SUPT20HL2: variants seen among roughly 807,000 people sequenced by gnomAD.
SUPT20HL2 encodes the protein transcription factor SPT20 homolog-like 2.
For missense variants in SUPT20HL2, 288 were observed against 127.4 expected (o/e 2.26, Z -6.07); for synonymous variants, 125 against 51.6 (o/e 2.42, Z -6.10).
rs1939152813 is a variant in SUPT20HL2, at chrX:24,313,341, A to G, written c.-26T>C. On this transcript the variant is annotated 5_prime_UTR_variant, in exon 1 of 1. Transcript: ENST00000486479. ...TGTAACAGAAAACAGGGCCCCTAAG[A>G]GGAGAGAAAACGCATGTGCGTTGGT... The G allele has an allele frequency of 3.0e-6, 1 of 333,989 alleles. No homozygotes were observed. Among genetic ancestry groups the G allele is most frequent in the Non-Finnish European group, 5.8e-6 (1 of 171,857 alleles). 27.5% of individuals were successfully genotyped at this position (333,989 alleles called of 1,213,427 possible).
rs1359554710 is a variant in SUPT20HL2, at chrX:24,312,738, T to G, written c.578A>C (p.Lys193Thr). The stretch of plus-strand genomic sequence containing the variant: ...GATCAGTTGACTCTCAAGAGGAAAT[T>G]TGTCTTCCTGGCTCCATTTCTCGCC... The part of the protein sequence containing the change: ...RDGEKWSQED[K>T]FPLESQLILA... Residue 193 changes from lysine (K) to threonine (T), a missense_variant, in exon 1 of 1, where the codon AAA becomes ACA. Transcript: ENST00000486479. 4 of 386,917 alleles carry G rather than the reference T, an allele frequency of 1.0e-5. No individual in the cohort carries two copies. The highest frequency in any genetic ancestry group is 9.3e-5 in the South Asian group (4 of 42,802). The allele number at this position is 386,917 out of a possible 1,213,427, so 31.9% of individuals were successfully genotyped here.
In SUPT20HL2 at chrX:24,312,258, T is replaced by C. The variant is rs397832843; in HGVS notation, c.1058A>G (p.Asn353Ser). The change falls in exon 1 of 1, where the codon AAC becomes AGC. Residue 353 changes from asparagine (N) to serine (S), a missense_variant. Physicochemically the swap from Asn to Ser is conservative, Grantham distance 46. Coordinates refer to ENST00000486479, the MANE Select transcript of SUPT20HL2 (RefSeq NM_001136233.3). ...CGGATCATTAAACGACTGCATGATG[T>C]TTGGCTTGGTGTCCCAGGCCTGACA... is the stretch of plus-strand genomic sequence containing the variant. The part of the protein sequence containing the change: ...AGCQAWDTKP[N>S]IMQSFNDPLL... 40 of 384,643 alleles carry C rather than the reference T, an allele frequency of 1.0e-4. No homozygotes were observed. The highest frequency in any genetic ancestry group is 6.8e-4 in the East Asian group (9 of 13,295). 31.7% of individuals were successfully genotyped at this position (384,643 alleles called of 1,213,427 possible). A position where few individuals can be genotyped will look rare whatever the true frequency, so the allele number is the denominator to read the frequency against.
Position 24,309,764 on chromosome X carries a change from A to AAAAAACAAAAAAAAAAC in SUPT20HL2, c.*1097_*1098insGTTTTTTTTTTGTTTTT, listed in dbSNP as rs1939105215. 1.1e-5 allele frequency among the ~76,000 whole-genome samples: 1 copy of AAAAAACAAAAAAAAAAC among 93,177 alleles called. No individual in the cohort carries two copies. The highest frequency in any genetic ancestry group is 2.2e-5 in the Non-Finnish European group (1 of 46,333). The allele number at this position is 93,177 out of a possible 115,157, so 80.9% of individuals were successfully genotyped here. On this transcript the variant is annotated 3_prime_UTR_variant, in exon 1 of 1. Coordinates refer to ENST00000486479, the MANE Select transcript of SUPT20HL2 (RefSeq NM_001136233.3). ...AAAAAAAGAAAAAAAAAAAAAAAAA[A>AAAAAACAAAAAAAAAAC]AAAAACATCCAAAAAGAGCCTTTTC...
At position 24,309,747 on chromosome X, in the gene SUPT20HL2, A is replaced by AG. The variant is rs1939102821; in HGVS notation, c.*1114_*1115insC. Among the ~76,000 whole-genome samples the AG allele has an allele frequency of 3.7e-4, 1 of 2,702 alleles. No homozygotes were observed. Among genetic ancestry groups the AG allele is most frequent in the Non-Finnish European group, 7.4e-4 (1 of 1,347 alleles). The allele number at this position is 2,702 out of a possible 115,157, so 2.3% of individuals were successfully genotyped here. On this transcript the variant is annotated 3_prime_UTR_variant, in exon 1 of 1. Transcript: ENST00000486479. Reference sequence around the variant, plus strand: ...AAATAATAAAAATAAAAAAAAAAAGAAAAAAAAAAAAAAAAAAAAAAACAT... The same window carrying AG: ...AAATAATAAAAATAAAAAAAAAAAGAGAAAAAAAAAAAAAAAAAAAAAACAT...
Position 24,309,754 on chromosome X carries a change from A to G in SUPT20HL2, c.*1108T>C, listed in dbSNP as rs1939103986. ...AAAAATAAAAAAAAAAAGAAAAAAA[A>G]AAAAAAAAAAAAAAACATCCAAAAA... On this transcript the variant is annotated 3_prime_UTR_variant, in exon 1 of 1. Coordinates refer to ENST00000486479, the MANE Select transcript of SUPT20HL2 (RefSeq NM_001136233.3). 1.2e-5 allele frequency among the ~76,000 whole-genome samples: 1 copy of G among 85,176 alleles called. No individual in the cohort carries two copies. The highest frequency in any genetic ancestry group is 1.3e-4 in the Admixed American group (1 of 7,892). 74.0% of individuals were successfully genotyped at this position (85,176 alleles called of 115,157 possible).
In SUPT20HL2 at chrX:24,309,746, G is replaced by GAAA; in HGVS notation, c.*1113_*1115dup. Among the ~76,000 whole-genome samples the GAAA allele has an allele frequency of 0.016, 348 of 21,761 alleles. 11 individuals carry two copies. Among genetic ancestry groups the GAAA allele is most frequent in the African/African-American group, 0.023 (97 of 4,149 alleles). The allele number at this position is 21,761 out of a possible 115,157, so 18.9% of individuals were successfully genotyped here. A position where few individuals can be genotyped will look rare whatever the true frequency, so the allele number is the denominator to read the frequency against. ...AAAATAATAAAAATAAAAAAAAAAA[G>GAAA]AAAAAAAAAAAAAAAAAAAAAAACA... On this transcript the variant is annotated 3_prime_UTR_variant, in exon 1 of 1. Coordinates refer to ENST00000486479, the MANE Select transcript of SUPT20HL2 (RefSeq NM_001136233.3).
rs1394820951 is a variant in SUPT20HL2, at chrX:24,309,953, CTTT to C, written c.*906_*908del. ...GTGTGACAAGCATCACTGTACTGTA[CTTT>C]TTTTTCATTTTTCAAAATGAATGTG... On this transcript the variant is annotated 3_prime_UTR_variant, in exon 1 of 1. Transcript: ENST00000486479. 1.8e-5 allele frequency among the ~76,000 whole-genome samples: 2 copies of C among 108,861 alleles called. No homozygotes were observed. The highest frequency in any genetic ancestry group is 3.8e-5 in the Non-Finnish European group (2 of 52,419). 94.5% of individuals were successfully genotyped at this position (108,861 alleles called of 115,157 possible).
chrX:24,309,771 A>AAAAAAAACAAACC lies in SUPT20HL2; in HGVS notation c.*1090_*1091insGGTTTGTTTTTTT, dbSNP rs1939106038. ...GAAAAAAAAAAAAAAAAAAAAAAAC[A>AAAAAAAACAAACC]TCCAAAAAGAGCCTTTTCAAAGCCA... On this transcript the variant is annotated 3_prime_UTR_variant, in exon 1 of 1. Coordinates refer to ENST00000486479, the MANE Select transcript of SUPT20HL2 (RefSeq NM_001136233.3). 2.0e-5 allele frequency among the ~76,000 whole-genome samples: 1 copy of AAAAAAAACAAACC among 50,416 alleles called. No homozygotes were observed. Among genetic ancestry groups the AAAAAAAACAAACC allele is most frequent in the Non-Finnish European group, 4.1e-5 (1 of 24,596 alleles). 43.8% of individuals were successfully genotyped at this position (50,416 alleles called of 115,157 possible).
chrX:24,314,025 T>C lies in SUPT20HL2; in HGVS notation c.-710A>G, dbSNP rs765481113. 1.4e-5 allele frequency: 5 copies of C among 366,089 alleles called. No homozygotes were observed. Among genetic ancestry groups the C allele is most frequent in the African/African-American group, 5.1e-5 (2 of 39,213 alleles). The allele number at this position is 366,089 out of a possible 1,213,427, so 30.2% of individuals were successfully genotyped here. A position where few individuals can be genotyped will look rare whatever the true frequency, so the allele number is the denominator to read the frequency against. ...GAAAACATCGGTACCTGAGGGGTGATTGTCGTGGCCTGGGCTTCGCGTCTC... is the reference window on the plus strand; with the variant it reads ...GAAAACATCGGTACCTGAGGGGTGACTGTCGTGGCCTGGGCTTCGCGTCTC... On this transcript the variant is annotated 5_prime_UTR_variant, in exon 1 of 1. Transcript: ENST00000486479.
At position 24,308,462 on chromosome X, in the gene SUPT20HL2, T is replaced by C. The variant is rs1005440308; in HGVS notation, c.*2400A>G. Among the ~76,000 whole-genome samples, 3 of 112,324 alleles carry C rather than the reference T, an allele frequency of 2.7e-5. No homozygotes were observed. The highest frequency in any genetic ancestry group is 5.6e-5 in the Non-Finnish European group (3 of 53,329). ...AAAGTGCAGGCACCATTCCCAATTA[T>C]GTCCAGGCTGCTCTGATGGACTTGG... On this transcript the variant is annotated 3_prime_UTR_variant, in exon 1 of 1. Coordinates refer to ENST00000486479, the MANE Select transcript of SUPT20HL2 (RefSeq NM_001136233.3).
Position 24,312,169 on chromosome X carries a change from G to T in SUPT20HL2, c.1147C>A (p.Gln383Lys), listed in dbSNP as rs201389812. Reference protein sequence around the residue: ...ARQKSQKSPWQPFPDDHSACL... With the variant: ...ARQKSQKSPWKPFPDDHSACL... ...GCTGAATGGTCATCTGGGAAGGGCT[G>T]CCAGGGAGACTTCTGGCTCTTCTGC... Residue 383 changes from glutamine (Q) to lysine (K), a missense_variant, in exon 1 of 1, where the codon CAG (glutamine) becomes AAG (lysine). By Grantham distance (53) the Gln-to-Lys change is moderately conservative. Transcript: ENST00000486479. The T allele has an allele frequency of 4.5e-5, 17 of 380,566 alleles. No individual in the cohort carries two copies. The highest frequency in any genetic ancestry group is 7.9e-5 in the Non-Finnish European group (15 of 190,766). The allele number at this position is 380,566 out of a possible 1,213,427, so 31.4% of individuals were successfully genotyped here.
In SUPT20HL2 at chrX:24,310,843, GAACA is replaced by G. The variant is rs1939115773; in HGVS notation, c.*15_*18del. 1 of 361,565 alleles carries G rather than the reference GAACA, an allele frequency of 2.8e-6. No individual in the cohort carries two copies. The highest frequency in any genetic ancestry group is 2.6e-5 in the African/African-American group (1 of 38,691). 29.8% of individuals were successfully genotyped at this position (361,565 alleles called of 1,213,427 possible). ...TCAGTGCTCCCATGCTTTTAAAAGA[GAACA>G]AACTACCACAAGCCTCAGGGAGCTG... is the stretch of plus-strand genomic sequence containing the variant. On this transcript the variant is annotated 3_prime_UTR_variant, in exon 1 of 1. Coordinates refer to ENST00000486479, the MANE Select transcript of SUPT20HL2 (RefSeq NM_001136233.3).
At position 24,309,717 on chromosome X, in the gene SUPT20HL2, G is replaced by GAAAAAA. The variant is rs1939097074; in HGVS notation, c.*1139_*1144dup. Among the ~76,000 whole-genome samples the GAAAAAA allele has an allele frequency of 5.8e-4, 8 of 13,830 alleles. No homozygotes were observed. Among genetic ancestry groups the GAAAAAA allele is most frequent in the East Asian group, 2.6e-3 (1 of 391 alleles). 12.0% of individuals were successfully genotyped at this position (13,830 alleles called of 115,157 possible). A position where few individuals can be genotyped will look rare whatever the true frequency, so the allele number is the denominator to read the frequency against. On this transcript the variant is annotated 3_prime_UTR_variant, in exon 1 of 1. Coordinates refer to ENST00000486479, the MANE Select transcript of SUPT20HL2 (RefSeq NM_001136233.3). ...TAAAAAAAAAAATTAAAAAAAAAAA[G>GAAAAAA]AAAAAAATAATAAAAATAAAAAAAA...
rs1306522342 is a variant in SUPT20HL2, at chrX:24,313,768, C to T, written c.-453G>A. On this transcript the variant is annotated 5_prime_UTR_variant, in exon 1 of 1. Coordinates refer to ENST00000486479, the MANE Select transcript of SUPT20HL2 (RefSeq NM_001136233.3). Reference sequence around the variant, plus strand: ...GGGAGGGCCGTGGTCAGCTTCTAGGCGCGTCTGGGCACCTGCCCAGAAACC... The same window carrying T: ...GGGAGGGCCGTGGTCAGCTTCTAGGTGCGTCTGGGCACCTGCCCAGAAACC... 2.9e-6 allele frequency: 1 copy of T among 348,604 alleles called. No homozygotes were observed. Among genetic ancestry groups the T allele is most frequent in the Admixed American group, 2.7e-5 (1 of 36,619 alleles). 28.7% of individuals were successfully genotyped at this position (348,604 alleles called of 1,213,427 possible).
rs763494217 is a variant in SUPT20HL2, at chrX:24,311,735, A to G, written c.1581T>C (p.Gly527=). 3.1e-5 allele frequency: 11 copies of G among 354,791 alleles called. No individual in the cohort carries two copies. Among genetic ancestry groups the G allele is most frequent in the Non-Finnish European group, 5.6e-5 (10 of 177,343 alleles). 29.2% of individuals were successfully genotyped at this position (354,791 alleles called of 1,213,427 possible). ...TCTGAGAATGGCTTGGTGCCGCCCC[A>G]CCGGCCGCCGCCGCCACAGCAGCAG... is the stretch of plus-strand genomic sequence containing the variant. ...LAAAAVAAAA[G]GAAPSHSQKP... The change falls in exon 1 of 1, where the codon GGT becomes GGC. Residue 527 remains glycine, a synonymous_variant. Transcript: ENST00000486479.
In SUPT20HL2 at chrX:24,313,317, G is replaced by GT. The variant is rs1176416653; in HGVS notation, c.-3dup. The GT allele has an allele frequency of 2.7e-6, 1 of 374,587 alleles. No individual in the cohort carries two copies. The highest frequency in any genetic ancestry group is 2.7e-5 in the Admixed American group (1 of 37,697). 30.9% of individuals were successfully genotyped at this position (374,587 alleles called of 1,213,427 possible). A position where few individuals can be genotyped will look rare whatever the true frequency, so the allele number is the denominator to read the frequency against. On this transcript the variant is annotated 5_prime_UTR_variant, in exon 1 of 1. Coordinates refer to ENST00000486479, the MANE Select transcript of SUPT20HL2 (RefSeq NM_001136233.3). ...AGCCTGTTCTAAATCTCGATCCATTGTAACAGAAAACAGGGCCCCTAAGAG... is the reference window on the plus strand; with the variant it reads ...AGCCTGTTCTAAATCTCGATCCATTGTTAACAGAAAACAGGGCCCCTAAGAG...
At position 24,308,270 on chromosome X, in the gene SUPT20HL2, G is replaced by A. The variant is rs1375619258; in HGVS notation, c.*2592C>T. On this transcript the variant is annotated 3_prime_UTR_variant, in exon 1 of 1. Coordinates refer to ENST00000486479, the MANE Select transcript of SUPT20HL2 (RefSeq NM_001136233.3). ...CCTGGGAAGGGAAGGTCACATCACT[G>A]AAGCACAAATTTGGCTGTTGTCTCC... is the stretch of plus-strand genomic sequence containing the variant. The A allele has an allele frequency of 5.4e-6, 2 of 373,516 alleles. No homozygotes were observed. Among genetic ancestry groups the A allele is most frequent in the African/African-American group, 5.1e-5 (2 of 39,106 alleles). The allele number at this position is 373,516 out of a possible 1,213,427, so 30.8% of individuals were successfully genotyped here. A position where few individuals can be genotyped will look rare whatever the true frequency, so the allele number is the denominator to read the frequency against.
rs1939092461 is a variant in SUPT20HL2, at chrX:24,309,489, TAA to T, written c.*1371_*1372del. ...CCTACAAAAAATGTAAATGATTTTATAAAGAGAGCACACAAAACATCCAAAAA... is the reference window on the plus strand; with the variant it reads ...CCTACAAAAAATGTAAATGATTTTATAGAGAGCACACAAAACATCCAAAAA... On this transcript the variant is annotated 3_prime_UTR_variant, in exon 1 of 1. Coordinates refer to ENST00000486479, the MANE Select transcript of SUPT20HL2 (RefSeq NM_001136233.3). Among the ~76,000 whole-genome samples the T allele has an allele frequency of 1.3e-5, 1 of 76,042 alleles. No individual in the cohort carries two copies. The highest frequency in any genetic ancestry group is 2.3e-5 in the Non-Finnish European group (1 of 43,440). 66.0% of individuals were successfully genotyped at this position (76,042 alleles called of 115,157 possible).
In SUPT20HL2 at chrX:24,311,693, A is replaced by G. The variant is rs769152804; in HGVS notation, c.1623T>C (p.Leu541=). The G allele has an allele frequency of 6.9e-5, 26 of 379,398 alleles. No homozygotes were observed. Among genetic ancestry groups the G allele is most frequent in the Admixed American group, 6.5e-4 (25 of 38,570 alleles). The allele number at this position is 379,398 out of a possible 1,213,427, so 31.3% of individuals were successfully genotyped here. A position where few individuals can be genotyped will look rare whatever the true frequency, so the allele number is the denominator to read the frequency against. The stretch of plus-strand genomic sequence containing the variant: ...CTGGACGGCGCCTGCTAGCTTTAAT[A>G]AGAGGCACAGAGGGCTTCTGAGAAT... The part of the protein sequence containing the change: ...PSHSQKPSVP[L]IKASRRRPAA... The change falls in exon 1 of 1, where the codon CTT becomes CTC. Residue 541 remains leucine (L), a synonymous_variant. Coordinates refer to ENST00000486479, the MANE Select transcript of SUPT20HL2 (RefSeq NM_001136233.3).
Sources: gnomAD v4.1 joint callset for allele counts (sites outside exome capture counted in the v4.1 genomes callset) on GRCh38, gnomAD v4.1.1 for gene constraint, MANE v1.5 for transcripts, NCBI Gene and HGNC (gene_info 2026-07-23, HGNC 2026-07-21) for gene names.